Variants in PCDHA11 observed in about 807,000 individuals in gnomAD.
The protein encoded by PCDHA11 is protocadherin alpha-11.
A neutral mutation model predicts 70.3 loss-of-function variants in PCDHA11; 61 were observed. That is an observed-to-expected ratio of 0.87 (90% CI 0.71 to 1.07). The LOEUF is 1.07. Ranked by LOEUF, PCDHA11 falls within the 50% of genes least tolerant of loss-of-function variation. PCDHA11 has a pLI of 0.00. For synonymous variants in PCDHA11, 633 were observed against 555.1 expected (o/e 1.14, Z -1.97); for missense variants, 1,324 against 1,237.5 (o/e 1.07, Z -1.05).
intron 3 of PCDHA11, among the ~76,000 whole-genome samples, chr5:141,004,051 A>G (rs2098149842): frequency 6.6e-6 from 1 of 152,240 alleles, no homozygotes; most frequent in East Asian, 1.9e-4. Flanking sequence ...ATTTGCTGAT[A>G]CTGGCCCCTG....
intron 3 of PCDHA11, among the ~76,000 whole-genome samples, chr5:140,998,657 T>G (rs1252646330): frequency 6.6e-6 from 1 of 151,974 alleles, no homozygotes; most frequent in African/African-American, 2.4e-5. Flanking sequence ...CTCTGCCTCC[T>G]GGGTTCAAGT....
intron 3 of PCDHA11, among the ~76,000 whole-genome samples, chr5:140,988,661 A>G (rs1411850477): frequency 6.6e-6 from 1 of 152,186 alleles, no homozygotes; most frequent in Non-Finnish European, 1.5e-5. Context: ...TTGTTTATGA[A>G]TAGACTCTAA....
At chr5:140,934,437 T>C (rs950173265) in intron 1 of PCDHA11, among the ~76,000 whole-genome samples, 4 of 152,298 alleles carry the variant, frequency 2.6e-5, no homozygotes, top group Admixed American at 6.5e-5. Context: ...AGTGTAAATA[T>C]AGTGAAAAAT....
Position 140,871,412 on chromosome 5 carries a change from C to T in PCDHA11, c.2309C>T (p.Ala770Val), listed in dbSNP as rs891491030. The T allele has an allele frequency of 1.2e-6, 2 of 1,613,976 alleles. No homozygotes were observed. The highest frequency in any genetic ancestry group is 1.7e-6 in the Non-Finnish European group (2 of 1,179,926). Residue 770 changes from alanine to valine, a missense_variant, in exon 1 of 4, where the codon GCC becomes GTC. Ala to Val is a moderately conservative substitution (Grantham distance 64). Coordinates refer to ENST00000398640, the MANE Select transcript of PCDHA11 (RefSeq NM_018902.5). The stretch of plus-strand genomic sequence containing the variant: ...GGCCCACCTAAGACGGACCTCATGG[C>T]CTTCAGCCCCAGTCTTCCTCTAGGT... ...EEGPPKTDLMAFSPSLPLGLN... is the reference protein window; with the variant it reads ...EEGPPKTDLMVFSPSLPLGLN...
intron 1 of PCDHA11, chr5:140,883,443 A>AT (rs1554178222): frequency 6.2e-7 from 1 of 1,614,136 alleles, no homozygotes; most frequent in Admixed American, 1.7e-5. Flanking sequence ...TTGACGCCGC[A>AT]TGTCCCCTTC....
chr5:140,942,633 G>A (rs1554215141), intron 1 of PCDHA11, among the ~76,000 whole-genome samples: 1 of 151,496 alleles, frequency 6.6e-6, no homozygotes, highest in Admixed American at 6.6e-5. Context: ...AAAAAAAATG[G>A]CAAAAGAGAT....
At chr5:140,903,690 T>C (rs2070508211) in intron 1 of PCDHA11, among the ~76,000 whole-genome samples, 1 of 152,224 alleles carries the variant, frequency 6.6e-6, no homozygotes, top group African/African-American at 2.4e-5. Context: ...TGGTAAATAG[T>C]TTAAAATAGT....
intron 1 of PCDHA11, among the ~76,000 whole-genome samples, chr5:140,886,964 A>T (rs2061244320): frequency 6.6e-6 from 1 of 152,114 alleles, no homozygotes; most frequent in Admixed American, 6.5e-5. Context: ...TTAGCAACGA[A>T]ATTTATTATT....
In PCDHA11 at chr5:140,870,118, A is replaced by C; in HGVS notation, c.1015A>C (p.Ile339Leu). The change falls in exon 1 of 4, where the codon ATC (isoleucine) becomes CTC (leucine). Residue 339 changes from isoleucine (I) to leucine (L), a missense_variant. Transcript: ENST00000398640. Reference protein sequence around the residue: ...MAGHCTVWVEILDTNDNSPEV... With the variant: ...MAGHCTVWVELLDTNDNSPEV... ...AGGTCACTGTACAGTCTGGGTGGAA[A>C]TCTTGGACACCAACGATAACTCTCC... 1 of 1,613,892 alleles carries C rather than the reference A, an allele frequency of 6.2e-7. No homozygotes were observed. The highest frequency in any genetic ancestry group is 8.5e-7 in the Non-Finnish European group (1 of 1,179,864).
intron 1 of PCDHA11, among the ~76,000 whole-genome samples, chr5:140,933,844 G>A (rs2089450133): frequency 6.6e-6 from 1 of 151,910 alleles, no homozygotes; most frequent in South Asian, 2.1e-4. Context: ...TTTCATTCCT[G>A]TACCTTTAAT....
intron 1 of PCDHA11, chr5:140,875,810 C>A: frequency 6.2e-7 from 1 of 1,614,106 alleles, no homozygotes; most frequent in Non-Finnish European, 8.5e-7. Flanking sequence ...GTGGACAGGC[C>A]GCTGCAGGTT....
intron 3 of PCDHA11, among the ~76,000 whole-genome samples, chr5:141,001,004 T>C (rs2097982470): frequency 1.3e-5 from 2 of 152,368 alleles, no homozygotes; most frequent in South Asian, 4.1e-4. Flanking sequence ...TTTAAATATG[T>C]ATTTAGATAT....
intron 1 of PCDHA11, among the ~76,000 whole-genome samples, chr5:140,896,022 G>A (rs940712653): frequency 6.6e-6 from 1 of 152,136 alleles, no homozygotes; most frequent in East Asian, 1.9e-4. Context: ...TGTTGGCCAG[G>A]CTGGTCTCGA....
At chr5:140,913,896 C>T (rs1440194616) in intron 1 of PCDHA11, among the ~76,000 whole-genome samples, 5 of 152,018 alleles carry the variant, frequency 3.3e-5, no homozygotes, top group African/African-American at 7.2e-5. Context: ...TCCAAAATTC[C>T]CCTTTTTTAT....
intron 1 of PCDHA11, among the ~76,000 whole-genome samples, chr5:140,894,449 A>G (rs1227566097): frequency 6.6e-6 from 1 of 151,950 alleles, no homozygotes; most frequent in Non-Finnish European, 1.5e-5. Flanking sequence ...TCTTTTTTAA[A>G]AAATATTTTA....
At chr5:140,982,748 G>C (rs2097001127) in intron 3 of PCDHA11, among the ~76,000 whole-genome samples, 185 bp downstream of exon 3, 1 of 151,896 alleles carries the variant, frequency 6.6e-6, no homozygotes, top group African/African-American at 2.4e-5. Flanking sequence ...TGCTCTTCAG[G>C]AGTTGAAAAA....
At chr5:140,893,763 TG>T (rs1554185760) in intron 1 of PCDHA11, among the ~76,000 whole-genome samples, 1 of 152,156 alleles carries the variant, frequency 6.6e-6, no homozygotes, top group African/African-American at 2.4e-5. Flanking sequence ...ATAGGTGACT[TG>T]TCACTTTTCT....
chr5:140,911,147 C>T (rs978714342), intron 1 of PCDHA11, among the ~76,000 whole-genome samples: 6 of 152,218 alleles, frequency 3.9e-5, no homozygotes, highest in Non-Finnish European at 8.8e-5. Context: ...GGTTTTTCTC[C>T]TCAGACAAAT....
intron 1 of PCDHA11, chr5:140,929,360 C>T (rs781864515): frequency 6.6e-7 from 1 of 1,519,748 alleles, no homozygotes; most frequent in Admixed American, 2.2e-5. Context: ...TTCCTTTGGC[C>T]CGGAGATGGC....
Sources: allele counts gnomAD v4.1 joint callset (sites outside exome capture counted in the v4.1 genomes callset), GRCh38; gene constraint gnomAD v4.1.1; transcripts MANE v1.5; gene names NCBI Gene and HGNC (gene_info 2026-07-23, HGNC 2026-07-21).